Variants in ROBO1 observed in about 807,000 individuals in gnomAD.
ROBO1 encodes roundabout guidance receptor 1.
In ROBO1, 149 loss-of-function variants were observed where a neutral mutation model predicts 195.9. That is an observed-to-expected ratio of 0.76 (90% CI 0.67 to 0.87). The LOEUF (loss-of-function observed/expected upper bound fraction) is 0.87. Among genes scored for constraint, ROBO1 ranks in the 40% least tolerant of loss-of-function variants. The pLI is 0.00. For missense variants in ROBO1, 1,933 were observed against 2,068.3 expected (o/e 0.93, Z 1.27); for synonymous variants, 816 against 733.2 (o/e 1.11, Z -1.82).
At chr3:79,396,473 TA>T (rs577383915) in intron 2 of ROBO1, among the ~76,000 whole-genome samples, 2 of 151,814 alleles carry the variant, frequency 1.3e-5, no homozygotes, top group African/African-American at 2.4e-5. Context: ...AGAAAAACAT[TA>T]AAAAAAAGTA....
intron 1 of ROBO1, among the ~76,000 whole-genome samples, chr3:79,604,833 AT>A (rs1576102810): frequency 6.6e-6 from 1 of 151,810 alleles, no homozygotes; most frequent in East Asian, 1.9e-4. Context: ...CCTTTTGAAT[AT>A]TTTTCCTCTT....
intron 2 of ROBO1, among the ~76,000 whole-genome samples, chr3:79,150,252 T>C (rs2080740408): frequency 6.9e-6 from 1 of 145,282 alleles, no homozygotes. Context: ...TGATTTTTCT[T>C]TTTTTTTTTC....
chr3:79,023,999 C>T (rs950959736), intron 3 of ROBO1, among the ~76,000 whole-genome samples: 17 of 151,910 alleles, frequency 1.1e-4, no homozygotes, highest in African/African-American at 3.9e-4. Context: ...CGTGAGCCAC[C>T]GCGCCTGGCC....
chr3:78,696,703 CAT>C (rs1247893179), intron 8 of ROBO1, among the ~76,000 whole-genome samples: 3 of 146,140 alleles, frequency 2.1e-5, no homozygotes, highest in East Asian at 2.0e-4. Flanking sequence ...TATATATACA[CAT>C]ATATATACAC....
chr3:78,998,819 C>G (rs1200493914), intron 3 of ROBO1, among the ~76,000 whole-genome samples: 2 of 152,058 alleles, frequency 1.3e-5, no homozygotes, highest in African/African-American at 4.8e-5. Context: ...GTTGAGAGAT[C>G]TTTCTGTCCC....
intron 5 of ROBO1, among the ~76,000 whole-genome samples, chr3:78,746,376 C>T (rs768909653): frequency 5.3e-5 from 8 of 152,106 alleles, no homozygotes; most frequent in South Asian, 2.1e-4. Flanking sequence ...GCTTAAGAGG[C>T]CTTCTGGAAA....
intron 4 of ROBO1, among the ~76,000 whole-genome samples, chr3:78,777,640 T>C (rs1159294122): frequency 1.3e-5 from 2 of 152,212 alleles, no homozygotes; most frequent in Non-Finnish European, 2.9e-5. Context: ...CAGCATTTAA[T>C]TTAAAGGAGG....
At chr3:78,625,415 G>C (rs1393381347) in intron 26 of ROBO1, among the ~76,000 whole-genome samples, 2 of 152,090 alleles carry the variant, frequency 1.3e-5, no homozygotes, top group African/African-American at 2.4e-5. Flanking sequence ...TTCTAAACAA[G>C]ACAGCCATCA....
chr3:78,668,146 A>G lies in ROBO1; in HGVS notation c.1787T>C (p.Ile596Thr). 1 of 1,613,598 alleles carries G rather than the reference A, an allele frequency of 6.2e-7. No homozygotes were observed. Residue 596 changes from isoleucine (I) to threonine (T), a missense_variant, in exon 13 of 31, where the codon ATA becomes ACA. Physicochemically the swap from Ile to Thr is moderately conservative, Grantham distance 89 (BLOSUM62 -1). Transcript: ENST00000464233. ...NSGATPTSYI[I>T]EAFSHASGSS... ...TCCTTCACTCTACCTGAAGGCTTCT[A>G]TAATATAAGATGTTGGAGTTGCTCC...
intron 3 of ROBO1, among the ~76,000 whole-genome samples, chr3:78,995,142 A>C (rs2077331334): frequency 6.6e-6 from 1 of 152,232 alleles, no homozygotes; most frequent in African/African-American, 2.4e-5. Flanking sequence ...AACAAAGAAT[A>C]ATCCAAATCA....
chr3:79,003,315 A>G (rs1166922650), intron 3 of ROBO1, among the ~76,000 whole-genome samples: 5 of 152,178 alleles, frequency 3.3e-5, no homozygotes, highest in Admixed American at 1.3e-4. Flanking sequence ...GGGAGATTAA[A>G]TTATTTTTAA....
chr3:79,557,743 A>AATATAT (rs1304293113), intron 2 of ROBO1, among the ~76,000 whole-genome samples: 2 of 130,826 alleles, frequency 1.5e-5, no homozygotes, highest in African/African-American at 3.1e-5. Flanking sequence ...AACAAAAAAA[A>AATATAT]ATATATATAT....
intron 3 of ROBO1, among the ~76,000 whole-genome samples, chr3:78,958,260 G>T (rs1300554817): frequency 6.6e-6 from 1 of 152,132 alleles, no homozygotes; most frequent in Non-Finnish European, 1.5e-5. Context: ...ACTAGTAACT[G>T]GTCTTTTCAG....
At chr3:79,456,911 CTTTTGCTA>C (rs2039635819) in intron 2 of ROBO1, among the ~76,000 whole-genome samples, 1 of 152,028 alleles carries the variant, frequency 6.6e-6, no homozygotes, top group Non-Finnish European at 1.5e-5. Flanking sequence ...TCTAGATAAC[CTTTTGCTA>C]TTTGTGCATC....
At chr3:79,123,814 C>A (rs1476460513) in intron 3 of ROBO1, among the ~76,000 whole-genome samples, 2 of 151,894 alleles carry the variant, frequency 1.3e-5, no homozygotes, top group East Asian at 3.9e-4. Context: ...TAGGACAAAT[C>A]TGACACCTGA....
chr3:79,403,617 A>G (rs949391466), intron 2 of ROBO1, among the ~76,000 whole-genome samples: 1 of 152,164 alleles, frequency 6.6e-6, no homozygotes, highest in African/African-American at 2.4e-5. Flanking sequence ...GTTTTACCCT[A>G]CTTTTGGGGA....
chr3:79,572,359 A>G (rs1943306952), intron 2 of ROBO1, among the ~76,000 whole-genome samples: 1 of 152,114 alleles, frequency 6.6e-6, no homozygotes, highest in East Asian at 1.9e-4. Context: ...TGATGCACAT[A>G]GTTATAAATA....
chr3:79,545,425 C>T (rs992923438), intron 2 of ROBO1, among the ~76,000 whole-genome samples: 1 of 152,116 alleles, frequency 6.6e-6, no homozygotes, highest in Non-Finnish European at 1.5e-5. Context: ...CCCTGCATTT[C>T]GACATGACCA....
intron 1 of ROBO1, among the ~76,000 whole-genome samples, chr3:79,667,990 T>G (rs1241792712): frequency 1.3e-5 from 2 of 151,778 alleles, no homozygotes; most frequent in Admixed American, 6.6e-5. Flanking sequence ...AGCTCTCAAT[T>G]ACAATCAAGA....
Sources: gnomAD v4.1 joint callset for allele counts (sites outside exome capture counted in the v4.1 genomes callset) on GRCh38, gnomAD v4.1.1 for gene constraint, MANE v1.5 for transcripts, NCBI Gene and HGNC (gene_info 2026-07-23, HGNC 2026-07-21) for gene names.